The following SLC9A1 variants were observed in gnomAD, a reference collection of about 807,000 sequenced individuals.
SLC9A1 encodes the protein sodium/hydrogen exchanger 1.
SLC9A1 carries 22 observed loss-of-function variants against 67.9 expected under a neutral mutation model. The ratio of observed to expected loss-of-function variants is 0.32; its 90% CI spans 0.23 to 0.46. SLC9A1 has a LOEUF of 0.46. SLC9A1 is among the 20% of genes least tolerant of loss of function. The pLI, the probability that SLC9A1 is intolerant of heterozygous loss-of-function variation, is 1.00. For missense variants in SLC9A1, 686 were observed against 1,094.8 expected, an observed-to-expected ratio of 0.63 and a Z score of 5.27; for synonymous variants, 421 against 471.8, an observed-to-expected ratio of 0.89 and a Z score of 1.40.
At chr1:27,103,780 A>C (rs2083164619) in intron 5 of SLC9A1, 1 of 178,480 alleles carries the variant, frequency 5.6e-6, no homozygotes, top group Admixed American at 5.5e-5. Context: ...TTCTAGCATC[A>C]ATCAGCTCTC....
At chr1:27,123,946 C>T (rs113097333) in intron 1 of SLC9A1, among the ~76,000 whole-genome samples, 7 of 152,302 alleles carry the variant, frequency 4.6e-5, no homozygotes, top group Admixed American at 2.0e-4. Flanking sequence ...CCTGCCTCAG[C>T]GTCCTGAGTA....
At chr1:27,139,645 G>A (rs1025457730) in intron 1 of SLC9A1, among the ~76,000 whole-genome samples, 2 of 152,184 alleles carry the variant, frequency 1.3e-5, no homozygotes, top group African/African-American at 4.8e-5. Flanking sequence ...GGTGAGTGAG[G>A]CGTGTTTGGG....
chr1:27,126,087 C>G (rs563338878), intron 1 of SLC9A1, among the ~76,000 whole-genome samples: 1 of 152,268 alleles, frequency 6.6e-6, no homozygotes, highest in South Asian at 2.1e-4. Context: ...AGACACTATT[C>G]CCCATGTAGG....
At chr1:27,147,318 A>AG (rs1241759967) in intron 1 of SLC9A1, among the ~76,000 whole-genome samples, 6 of 148,862 alleles carry the variant, frequency 4.0e-5, no homozygotes, top group Admixed American at 6.7e-5. Flanking sequence ...AAAAAAAAAA[A>AG]AAAGAAAAGA....
In SLC9A1 at chr1:27,114,155, A is replaced by T; in HGVS notation, c.484T>A (p.Phe162Ile). The change falls in exon 2 of 12, where the codon TTC becomes ATC. Residue 162 changes from phenylalanine to isoleucine, a missense_variant. Physicochemically the swap from Phe to Ile is conservative, Grantham distance 21. Around this residue, in one of 7 missense-constraint regions of SLC9A1, gnomAD observed 29 missense variants for 71.9 expected, o/e 0.40. Coordinates refer to ENST00000263980, the MANE Select transcript of SLC9A1 (RefSeq NM_003047.5). The surrounding 1 kb of genome is among the most constrained non-coding windows in gnomAD (Gnocchi z 5.4). The part of the protein sequence containing the change: ...TPPFLQSDVF[F>I]LFLLPPIILD... ...ATGATGGGCGGCAGCAGGAAGAGGAAGAAGACGTCGGACTGCAGGAAGGGG... is the reference window on the plus strand; with the variant it reads ...ATGATGGGCGGCAGCAGGAAGAGGATGAAGACGTCGGACTGCAGGAAGGGG... The T allele has an allele frequency of 6.2e-7, 1 of 1,614,180 alleles. No homozygotes were observed. Among genetic ancestry groups the T allele is most frequent in the East Asian group, 2.2e-5 (1 of 44,874 alleles).
chr1:27,106,155 T>A lies in SLC9A1; in HGVS notation c.1283-68A>T. On this transcript the variant is annotated intron_variant, in intron 4 of 11. Coordinates refer to ENST00000263980, the MANE Select transcript of SLC9A1 (RefSeq NM_003047.5). This position sits in a 1 kb window ranked among gnomAD's most constrained non-coding sequence, Gnocchi z 4.3. ...TCCCCAGTCCCTCCTGGATTCTGCA[T>A]CAGTGATTTCTCTGTGCATCCAGGA... The A allele has an allele frequency of 3.0e-6, 3 of 1,008,060 alleles. No individual in the cohort carries two copies. In the South Asian group the frequency reaches 4.3e-5, roughly 14 times the overall value. The allele number at this position is 1,008,060 out of a possible 1,614,324, so 62.4% of individuals were successfully genotyped here. A position where few individuals can be genotyped will look rare whatever the true frequency, so the allele number is the denominator to read the frequency against.
Position 27,118,979 on chromosome 1 carries a change from G to T in SLC9A1, c.353-4693C>A, listed in dbSNP as rs2083289030. Among the ~76,000 whole-genome samples the T allele has an allele frequency of 6.6e-6, 1 of 151,574 alleles. No homozygotes were observed. On this transcript the variant is annotated intron_variant, in intron 1 of 11. Transcript: ENST00000263980. This position sits in a 1 kb window ranked among gnomAD's most constrained non-coding sequence, Gnocchi z 4.3. ...CAGTTCAGAGTTGGCGCTCCTTTTA[G>T]AAGAGGCTGGGGGATGGGAGAAGTG...
intron 1 of SLC9A1, among the ~76,000 whole-genome samples, chr1:27,120,196 G>A (rs2083295976): frequency 6.6e-6 from 1 of 152,002 alleles, no homozygotes; most frequent in Non-Finnish European, 1.5e-5. Flanking sequence ...CGCGATTTCG[G>A]CTCACTACAG....
intron 8 of SLC9A1, 124 bp downstream of exon 8, chr1:27,102,261 C>G (rs956072465): frequency 7.4e-7 from 1 of 1,350,482 alleles, no homozygotes; most frequent in Non-Finnish European, 1.0e-6. Context: ...TGGTGCGAGC[C>G]CACAGCTCTC....
At chr1:27,136,980 T>C (rs1334155088) in intron 1 of SLC9A1, among the ~76,000 whole-genome samples, 2 of 152,244 alleles carry the variant, frequency 1.3e-5, no homozygotes, top group African/African-American at 2.4e-5. Context: ...TGTTCTAACT[T>C]AGGTTTGGGC....
intron 1 of SLC9A1, among the ~76,000 whole-genome samples, chr1:27,130,833 C>A (rs2083379336): frequency 6.6e-6 from 1 of 152,226 alleles, no homozygotes; most frequent in African/African-American, 2.4e-5. Flanking sequence ...TGGTTAACTG[C>A]TTCCTGCTGG....
chr1:27,153,853 A>G, intron 1 of SLC9A1, 130 bp downstream of exon 1: 1 of 629,562 alleles, frequency 1.6e-6, no homozygotes, highest in Admixed American at 2.9e-5. Flanking sequence ...CCAAGGTGGC[A>G]GGATGGAGAC....
In SLC9A1 at chr1:27,109,838, G is replaced by A. The variant is rs2083216014; in HGVS notation, c.814-61C>T. The A allele has an allele frequency of 6.3e-7, 1 of 1,596,366 alleles. No individual in the cohort carries two copies. Among genetic ancestry groups the A allele is most frequent in the African/African-American group, 1.3e-5 (1 of 74,656 alleles). On this transcript the variant is annotated intron_variant, in intron 2 of 11. Transcript: ENST00000263980. The surrounding 1 kb of genome is among the most constrained non-coding windows in gnomAD (Gnocchi z 5.5). ...AGGGCCCTGGCCCCACGGTTCCCTG[G>A]GGTCCACCCAGGGCAATCCTGTCCC...
intron 1 of SLC9A1, among the ~76,000 whole-genome samples, chr1:27,124,277 T>C (rs1346280577): frequency 6.6e-6 from 1 of 152,092 alleles, no homozygotes; most frequent in Admixed American, 6.6e-5. Context: ...CTTTCCTCTT[T>C]GCTGGGGGTA....
At chr1:27,107,419 GC>G (rs1173807166) in intron 4 of SLC9A1, among the ~76,000 whole-genome samples, 1 of 124,440 alleles carries the variant, frequency 8.0e-6, no homozygotes, top group Non-Finnish European at 1.7e-5. Flanking sequence ...CACACATCCA[GC>G]CCCCCTACAA....
chr1:27,100,577 TGACTGCGGG>T lies in SLC9A1; in HGVS notation c.2169_2177del (p.Gln725_Pro727del). 6.2e-7 allele frequency: 1 copy of T among 1,613,940 alleles called. No homozygotes were observed. Among genetic ancestry groups the T allele is most frequent in the Non-Finnish European group, 8.5e-7 (1 of 1,179,896 alleles). On this transcript the variant is annotated inframe_deletion, in exon 12 of 12. Transcript: ENST00000263980. The surrounding 1 kb of genome is among the most constrained non-coding windows in gnomAD (Gnocchi z 5.6). Reference sequence around the variant, plus strand: ...CATTCACCAGGTCCACAGACTCGGGTGACTGCGGGGAAGCCGGGTCGATGGTGATGACAG... The same window carrying T: ...CATTCACCAGGTCCACAGACTCGGGTGAAGCCGGGTCGATGGTGATGACAG...
rs138502876 is a variant in SLC9A1 at position 27,126,289 on chromosome 1, C to A, written c.353-12003G>T. On this transcript the variant is annotated intron_variant, in intron 1 of 11. Coordinates refer to ENST00000263980, the MANE Select transcript of SLC9A1 (RefSeq NM_003047.5). ...GTCCCAATCACTGTTGTATCCCTGGCACCTTAGGCTGTACCTGGCACACAG... is the reference window on the plus strand; with the variant it reads ...GTCCCAATCACTGTTGTATCCCTGGAACCTTAGGCTGTACCTGGCACACAG... 4.3e-3 allele frequency among the ~76,000 whole-genome samples: 660 copies of A among 152,266 alleles called. 2 individuals are homozygous for A. The highest frequency in any genetic ancestry group is 0.01 in the Middle Eastern group (3 of 294).
At position 27,147,323 on chromosome 1, in the gene SLC9A1, A is replaced by T. The variant is rs529055268; in HGVS notation, c.352+6660T>A. Among the ~76,000 whole-genome samples, 376 of 141,596 alleles carry T rather than the reference A, an allele frequency of 2.7e-3. 1 individual carries two copies. Among genetic ancestry groups the T allele is most frequent in the African/African-American group, 9.5e-3 (356 of 37,660 alleles). The allele number at this position is 141,596 out of a possible 152,430, so 92.9% of individuals were successfully genotyped here. Reference sequence around the variant, plus strand: ...TCAAAAAAAAAAAAAAAAAAAAAAGAAAAGAAAAAAATACAAAAATTAGCT... The same window carrying T: ...TCAAAAAAAAAAAAAAAAAAAAAAGTAAAGAAAAAAATACAAAAATTAGCT... On this transcript the variant is annotated intron_variant, in intron 1 of 11. Coordinates refer to ENST00000263980, the MANE Select transcript of SLC9A1 (RefSeq NM_003047.5).
At chr1:27,105,430 G>A in intron 5 of SLC9A1, 1 of 380,552 alleles carries the variant, frequency 2.6e-6, no homozygotes, top group South Asian at 3.0e-5. Context: ...CTCCCAAGTA[G>A]CTGGAATTAC....
Sources: gnomAD v4.1 joint callset for allele counts (sites outside exome capture counted in the v4.1 genomes callset) on GRCh38, gnomAD v4.1.1 for gene constraint, gnomAD v4.1.1 regional missense constraint, Gnocchi (gnomAD v3.1) non-coding constraint, MANE v1.5 for transcripts, NCBI Gene and HGNC (gene_info 2026-07-23, HGNC 2026-07-21) for gene names.